SHKBP1: variants seen among roughly 807,000 people sequenced by gnomAD.
SHKBP1 encodes SH3KBP1-binding protein 1.
A neutral mutation model predicts 83.9 loss-of-function variants in SHKBP1; 71 were observed. That is an observed-to-expected ratio of 0.85 (90% confidence interval 0.70 to 1.03). The LOEUF (loss-of-function observed/expected upper bound fraction) is 1.03. Ranked by LOEUF, SHKBP1 falls within the 50% of genes least tolerant of loss-of-function variation. The pLI is 0.00. For synonymous variants in SHKBP1, 371 were observed against 398.0 expected, an observed-to-expected ratio of 0.93 and a Z score of 0.81; for missense variants, 824 against 982.4, an observed-to-expected ratio of 0.84 and a Z score of 2.16.
At chr19:40,589,573 T>G (rs1599848671) in intron 15 of SHKBP1, among the ~76,000 whole-genome samples, 39 of 121,716 alleles carry the variant, frequency 3.2e-4, no homozygotes, top group Middle Eastern at 3.9e-3. Flanking sequence ...GGGGCAGGGG[T>G]CGGGATGGGA....
intron 15 of SHKBP1, among the ~76,000 whole-genome samples, chr19:40,589,458 G>T (rs2081338855): frequency 7.6e-6 from 1 of 130,924 alleles, no homozygotes; most frequent in African/African-American, 2.9e-5. Context: ...AGGGTGGGAT[G>T]GGGGGCCCAG....
chr19:40,581,971 A>C (rs2081273908), intron 9 of SHKBP1, among the ~76,000 whole-genome samples: 1 of 149,152 alleles, frequency 6.7e-6, no homozygotes, highest in South Asian at 2.1e-4. Context: ...CCCAGATTGG[A>C]GTACAGTGGT....
chr19:40,582,541 C>T, intron 10 of SHKBP1, 75 bp downstream of exon 10: 1 of 1,247,150 alleles, frequency 8.0e-7, no homozygotes, highest in Non-Finnish European at 1.1e-6. Flanking sequence ...GGGTTCACGT[C>T]TGCCCCCACC....
At chr19:40,585,550 T>TTTTTTTTTCTTTTTTTTTTTTTTC (rs398034634) in intron 12 of SHKBP1, 4 of 144,712 alleles carry the variant, frequency 2.8e-5, no homozygotes, top group Non-Finnish European at 3.0e-5. Context: ...TTTTTTTTTT[T>TTTTTTTTTCTTTTTTTTTTTTTTC]GTCTTTTCCT....
At chr19:40,577,021 G>A in intron 1 of SHKBP1, 36 bp downstream of exon 1, 1 of 1,436,020 alleles carries the variant, frequency 7.0e-7, no homozygotes, top group East Asian at 2.4e-5. Context: ...CCATCCTCGG[G>A]GGCGGGAAGC....
Position 40,590,238 on chromosome 19 carries a change from C to A in SHKBP1, c.1590-6C>A. 1 of 1,572,282 alleles carries A rather than the reference C, an allele frequency of 6.4e-7. No individual in the cohort carries two copies. The highest frequency in any genetic ancestry group is 8.6e-7 in the Non-Finnish European group (1 of 1,160,554). ...GGGTGACCACCTCCCCCACTGCACC[C>A]CCCAGGGTGTGCTCCGTGCGCTCCG... On this transcript the variant is annotated splice_polypyrimidine_tract_variant and splice_region_variant and intron_variant, in intron 15 of 17. Transcript: ENST00000291842. The surrounding 1 kb of genome is among the most constrained non-coding windows in gnomAD (Gnocchi z 4.6).
chr19:40,588,138 G>A (rs188818123), intron 13 of SHKBP1, among the ~76,000 whole-genome samples: 37 of 152,302 alleles, frequency 2.4e-4, no homozygotes, highest in Non-Finnish European at 4.3e-4. Context: ...GAGGATGCCT[G>A]AGGAAGTGCA....
chr19:40,585,241 AAC>A (rs1328770376), intron 12 of SHKBP1, among the ~76,000 whole-genome samples: 1 of 152,102 alleles, frequency 6.6e-6, no homozygotes, highest in Non-Finnish European at 1.5e-5. Flanking sequence ...TGAACAGCAG[AAC>A]CACAGGCATG....
At chr19:40,582,252 C>A in intron 9 of SHKBP1, 99 bp from the exon 10 acceptor site, 1 of 916,514 alleles carries the variant, frequency 1.1e-6, no homozygotes, top group Non-Finnish European at 1.8e-6. Context: ...TTCAAGGATT[C>A]TGTGGTCCCA....
Position 40,577,251 on chromosome 19 carries a change from C to T in SHKBP1, c.107C>T (p.Thr36Ile). The change falls in exon 2 of 18, where the codon ACT (threonine) becomes ATT (isoleucine). Residue 36 changes from threonine to isoleucine, a missense_variant. This residue lies in a region of SHKBP1 where 355 missense variants were observed against 386.4 expected (regional missense o/e 0.92). Transcript: ENST00000291842. Reference protein sequence around the residue: ...GGKRFSTSRQTLTWIPDSFFS... With the variant: ...GGKRFSTSRQILTWIPDSFFS... ...CCCAGATTCAGTACCTCTCGCCAGA[C>T]TCTCACCTGGATCCCAGACTCCTTC... The T allele has an allele frequency of 6.2e-7, 1 of 1,614,024 alleles. No individual in the cohort carries two copies. The highest frequency in any genetic ancestry group is 8.5e-7 in the Non-Finnish European group (1 of 1,180,014).
chr19:40,589,548 G>GGGATAGGGGGACCAGGGGCAGGGGTC (rs2081340486), intron 15 of SHKBP1, among the ~76,000 whole-genome samples: 1 of 139,466 alleles, frequency 7.2e-6, no homozygotes, highest in Non-Finnish European at 1.6e-5. Flanking sequence ...GGGTTGGGGT[G>GGGATAGGGGGACCAGGGGCAGGGGTC]GGATAGGGGG....
chr19:40,582,269 C>A (rs1568390248), intron 9 of SHKBP1, 82 bp from the exon 10 acceptor site: 5 of 1,091,450 alleles, frequency 4.6e-6, no homozygotes, highest in Non-Finnish European at 7.1e-6. Context: ...CCCACTGAAC[C>A]CTCTGGTCCT....
rs1362230929 is a variant in SHKBP1, at chr19:40,580,929, C to T, written c.837C>T (p.Ser279=). Residue 279 remains serine (S), a synonymous_variant, in exon 9 of 18, where the codon TCC becomes TCT. Transcript: ENST00000291842. ...CTCTGCAGGCGGAAGGCGGTGGCTC[C>T]GAGATAGGTATGACCCCAAGCCTTT... The part of the protein sequence containing the change: ...LWALQAEGGG[S]EIGVFHLGVP... 8 of 1,563,692 alleles carry T rather than the reference C, an allele frequency of 5.1e-6. No homozygotes were observed. The highest frequency in any genetic ancestry group is 6.1e-6 in the Non-Finnish European group (7 of 1,153,950).
rs373830273 is a variant in SHKBP1, at chr19:40,591,214, C to T, written c.*7C>T. 9.8e-5 allele frequency: 153 copies of T among 1,567,424 alleles called. No individual in the cohort carries two copies. In the African/African-American group the frequency reaches 1.5e-3, roughly 15 times the overall value. On this transcript the variant is annotated 3_prime_UTR_variant, in exon 18 of 18. Coordinates refer to ENST00000291842, the MANE Select transcript of SHKBP1 (RefSeq NM_138392.4). ...CAATGAAACTTCCTTTTGAACAACG[C>T]AGCTGCCATGATGCCTTGGGATGCC...
chr19:40,586,803 T>C lies in SHKBP1; in HGVS notation c.1195T>C (p.Tyr399His), dbSNP rs2081315992. 6 of 1,602,806 alleles carry C rather than the reference T, an allele frequency of 3.7e-6. No individual in the cohort carries two copies. Among genetic ancestry groups the C allele is most frequent in the Admixed American group, 1.7e-5 (1 of 59,238 alleles). ...CAGTGGGAACTGGATCGAGATCGCC[T>C]ATGGCACCAGCTCAGGGGGCGTGCG... ...SDSGNWIEIA[Y>H]GTSSGGVRVI... The change falls in exon 13 of 18, where the codon TAT becomes CAT. Residue 399 changes from tyrosine (Y) to histidine (H), a missense_variant. By Grantham distance (83) the Tyr-to-His change is moderately conservative (BLOSUM62 2). Around this residue, in one of 3 missense-constraint regions of SHKBP1, gnomAD observed 182 missense variants for 273.1 expected, o/e 0.67. Transcript: ENST00000291842.
In SHKBP1 at chr19:40,589,097, G is replaced by A. The variant is rs200457949; in HGVS notation, c.1508G>A (p.Arg503Gln). The A allele has an allele frequency of 1.1e-4, 174 of 1,612,810 alleles. No individual in the cohort carries two copies. Among genetic ancestry groups the A allele is most frequent in the Middle Eastern group, 3.3e-4 (2 of 6,062 alleles). Residue 503 changes from arginine (R) to glutamine (Q), a missense_variant, in exon 15 of 18, where the codon CGG (arginine) becomes CAG (glutamine). Arg to Gln is a conservative substitution (Grantham distance 43). Around this residue, in one of 3 missense-constraint regions of SHKBP1, gnomAD observed 287 missense variants for 322.9 expected, o/e 0.89. Transcript: ENST00000291842. ...CCTGGCCCAGGCCCCTACGGTGAGC[G>A]GGACGACCAGCAAGTGTTCATCCAG... Reference protein sequence around the residue: ...AGNDIGPYGERDDQQVFIQKV... With the variant: ...AGNDIGPYGEQDDQQVFIQKV...
At chr19:40,588,351 G>A (rs1311298542) in intron 13 of SHKBP1, among the ~76,000 whole-genome samples, 5 of 152,224 alleles carry the variant, frequency 3.3e-5, no homozygotes, top group East Asian at 3.8e-4. Context: ...TGGGAGGGGC[G>A]TGCTGATACG....
At chr19:40,585,923 T>G (rs2081308430) in intron 12 of SHKBP1, 1 of 151,622 alleles carries the variant, frequency 6.6e-6, no homozygotes. Flanking sequence ...TTCTTTGTTT[T>G]TTGAGACAGT....
intron 13 of SHKBP1, 141 bp from the exon 14 acceptor site, chr19:40,588,483 G>A (rs2081329358): frequency 9.4e-7 from 1 of 1,066,260 alleles, no homozygotes; most frequent in African/African-American, 1.6e-5. Context: ...TTGGAATTCT[G>A]GGGAGGAAAG....
Sources: allele counts gnomAD v4.1 joint callset (sites outside exome capture counted in the v4.1 genomes callset), GRCh38; gene constraint gnomAD v4.1.1; regional missense constraint gnomAD v4.1.1; non-coding constraint Gnocchi (gnomAD v3.1); transcripts MANE v1.5; gene names NCBI Gene and HGNC (gene_info 2026-07-23, HGNC 2026-07-21).